CSMD1: variants seen among roughly 807,000 people sequenced by gnomAD.
CSMD1 encodes the protein CUB and Sushi multiple domains 1.
Under a neutral mutation model 417.5 loss-of-function variants are expected in CSMD1, and 213 were observed. The ratio of observed to expected loss-of-function variants is 0.51; its 90% CI spans 0.46 to 0.57. The LOEUF (loss-of-function observed/expected upper bound fraction) is 0.57. Among genes scored for constraint, CSMD1 ranks in the 20% least tolerant of loss-of-function variants. The probability of loss-of-function intolerance (pLI) is 0.00; values close to 1 mark genes in which losing one functional copy is unlikely to be tolerated. For missense variants in CSMD1, 6,923 were observed against 4,529.7 expected (o/e 1.53, Z -15.17); for synonymous variants, 2,862 against 1,736.8 (o/e 1.65, Z -16.11).
chr8:3,695,412 G>T lies in CSMD1; in HGVS notation c.1009+13002C>A, dbSNP rs528157575. ...GTATGCTAAAACTCACTTTTATTAG[G>T]TACACTCCAATTAATCCTCTTGGTA... On this transcript the variant is annotated intron_variant, in intron 7 of 69. Coordinates refer to ENST00000635120, the MANE Select transcript of CSMD1 (RefSeq NM_033225.6). Among the ~76,000 whole-genome samples the T allele has an allele frequency of 9.7e-3, 1,474 of 151,936 alleles. 31 individuals are homozygous for T. The highest frequency in any genetic ancestry group is 0.034 in the African/African-American group (1,407 of 41,418).
At chr8:4,951,865 C>T (rs2117287181) in intron 1 of CSMD1, among the ~76,000 whole-genome samples, 1 of 150,372 alleles carries the variant, frequency 6.7e-6, no homozygotes, top group East Asian at 2.0e-4. Context: ...AAGGACCACC[C>T]TGCATATACA....
At chr8:4,435,211 A>G (rs1304762490) in intron 2 of CSMD1, among the ~76,000 whole-genome samples, 6 of 152,160 alleles carry the variant, frequency 3.9e-5, no homozygotes, top group Non-Finnish European at 5.9e-5. Context: ...ACATCAGCCA[A>G]TCTGATCTTT....
intron 2 of CSMD1, among the ~76,000 whole-genome samples, chr8:4,587,259 C>T (rs1799747687): frequency 6.6e-6 from 1 of 152,022 alleles, no homozygotes; most frequent in Admixed American, 6.6e-5. Flanking sequence ...GAAATGAGTA[C>T]TGGGAACTGA....
intron 41 of CSMD1, among the ~76,000 whole-genome samples, chr8:3,134,522 G>A (rs1351764879): frequency 6.6e-6 from 1 of 152,234 alleles, no homozygotes; most frequent in African/African-American, 2.4e-5. Context: ...GAAAAACTGT[G>A]ATCGGAGTTT....
chr8:3,882,398 A>C (rs796842748), intron 5 of CSMD1, among the ~76,000 whole-genome samples: 6 of 152,340 alleles, frequency 3.9e-5, no homozygotes, highest in African/African-American at 1.4e-4. Context: ...TTTTAAAAAC[A>C]GGAAACCTGC....
chr8:3,285,090 C>CA (rs1803046662), intron 25 of CSMD1, among the ~76,000 whole-genome samples: 1 of 152,074 alleles, frequency 6.6e-6, no homozygotes, highest in Non-Finnish European at 1.5e-5. Flanking sequence ...GAAACACCAA[C>CA]AAAAATTAGC....
chr8:4,919,588 C>T (rs1806299429), intron 1 of CSMD1, among the ~76,000 whole-genome samples: 1 of 152,146 alleles, frequency 6.6e-6, no homozygotes, highest in Admixed American at 6.6e-5. Flanking sequence ...ACCCAGTACT[C>T]AGTACACTAA....
intron 5 of CSMD1, among the ~76,000 whole-genome samples, chr8:3,900,897 T>A (rs902024086): frequency 6.6e-6 from 1 of 152,210 alleles, no homozygotes; most frequent in African/African-American, 2.4e-5. Flanking sequence ...GTTTGCTTGA[T>A]CTGAGTCCTC....
At chr8:3,649,061 C>T (rs1412177923) in intron 7 of CSMD1, among the ~76,000 whole-genome samples, 2 of 152,102 alleles carry the variant, frequency 1.3e-5, no homozygotes, top group African/African-American at 2.4e-5. Flanking sequence ...AGATTTAAAG[C>T]CCAGGGTTTT....
chr8:4,826,675 C>T (rs901765634), intron 1 of CSMD1, among the ~76,000 whole-genome samples: 1 of 152,158 alleles, frequency 6.6e-6, no homozygotes, highest in South Asian at 2.1e-4. Context: ...GCTTTCCTTC[C>T]CACTCATTCT....
At chr8:4,016,819 T>C (rs1395687620) in intron 4 of CSMD1, among the ~76,000 whole-genome samples, 1 of 152,228 alleles carries the variant, frequency 6.6e-6, no homozygotes, top group Admixed American at 6.5e-5. Context: ...TTGACATCCA[T>C]GAGGTTGTTG....
intron 13 of CSMD1, 28 bp from the exon 14 acceptor site, chr8:3,408,253 C>A: frequency 6.6e-7 from 1 of 1,509,362 alleles, no homozygotes; most frequent in South Asian, 1.2e-5. Context: ...TATTTTCAAA[C>A]AGTTATGCAC....
chr8:4,210,185 G>A (rs1345958412), intron 3 of CSMD1, among the ~76,000 whole-genome samples: 1 of 152,170 alleles, frequency 6.6e-6, no homozygotes, highest in Non-Finnish European at 1.5e-5. Flanking sequence ...GCCCATCTGT[G>A]GGAGCTCCTT....
chr8:3,102,414 C>G (rs1376682432), intron 46 of CSMD1, among the ~76,000 whole-genome samples: 1 of 152,146 alleles, frequency 6.6e-6, no homozygotes, highest in Non-Finnish European at 1.5e-5. Flanking sequence ...CTGTTCGCCT[C>G]CTGAGGTGTG....
At chr8:3,990,728 C>G (rs963503210) in intron 5 of CSMD1, among the ~76,000 whole-genome samples, 2 of 152,140 alleles carry the variant, frequency 1.3e-5, no homozygotes, top group African/African-American at 2.4e-5. Flanking sequence ...ATAAGACAGT[C>G]GATGGCTTCT....
At chr8:3,837,080 G>A (rs747130624) in intron 5 of CSMD1, among the ~76,000 whole-genome samples, 12 of 150,908 alleles carry the variant, frequency 8.0e-5, no homozygotes, top group African/African-American at 1.9e-4. Flanking sequence ...TGAAGAGCTA[G>A]GAAGAACGCT....
At chr8:4,795,840 TA>T (rs985225113) in intron 1 of CSMD1, among the ~76,000 whole-genome samples, 21 of 152,224 alleles carry the variant, frequency 1.4e-4, no homozygotes, top group African/African-American at 5.1e-4. Flanking sequence ...TTCTTCAAAT[TA>T]AACACAAATG....
In CSMD1 at chr8:3,395,540, G is replaced by C. The variant is rs182380033; in HGVS notation, c.2593+654C>G. On this transcript the variant is annotated intron_variant, in intron 17 of 69. Coordinates refer to ENST00000635120, the MANE Select transcript of CSMD1 (RefSeq NM_033225.6). Reference sequence around the variant, plus strand: ...TAAAACTTTGATTTCAGTAAACAAGGGCAGGAAAACTTTCCATGTGGAAGT... The same window carrying C: ...TAAAACTTTGATTTCAGTAAACAAGCGCAGGAAAACTTTCCATGTGGAAGT... Among the ~76,000 whole-genome samples the C allele has an allele frequency of 7.0e-4, 106 of 152,148 alleles. No homozygotes were observed. The East Asian group carries it at 0.016, about 22-fold the overall frequency.
chr8:3,510,784 T>TTTA (rs576930225), intron 10 of CSMD1, among the ~76,000 whole-genome samples: 1 of 151,872 alleles, frequency 6.6e-6, no homozygotes, highest in Non-Finnish European at 1.5e-5. Flanking sequence ...TTTGCCTATG[T>TTTA]TTATTAGCCG....
Sources: allele counts gnomAD v4.1 joint callset (sites outside exome capture counted in the v4.1 genomes callset), GRCh38; gene constraint gnomAD v4.1.1; transcripts MANE v1.5; gene names NCBI Gene and HGNC (gene_info 2026-07-23, HGNC 2026-07-21).